Variants in FLYWCH2 observed in about 807,000 individuals in gnomAD.
The protein encoded by FLYWCH2 is FLYWCH family member 2.
Under a neutral mutation model 6.0 loss-of-function variants are expected in FLYWCH2, and 2 were observed. The ratio of observed to expected loss-of-function variants is 0.33; its 90% confidence interval spans 0.14 to 1.04. The LOEUF (loss-of-function observed/expected upper bound fraction) is 1.04. Among genes scored for constraint, FLYWCH2 ranks in the 50% least tolerant of loss-of-function variants. The pLI is 0.45. For missense variants in FLYWCH2, 192 were observed against 183.4 expected (o/e 1.05, Z -0.27); for synonymous variants, 87 against 79.3 (o/e 1.10, Z -0.52).
chr16:2,896,129 G>C (rs1331574390), intron 2 of FLYWCH2, among the ~76,000 whole-genome samples: 1 of 152,222 alleles, frequency 6.6e-6, no homozygotes, highest in African/African-American at 2.4e-5. Flanking sequence ...TGTTTACTGT[G>C]CACCTTTTCC....
chr16:2,884,558 T>A (rs1157845712), intron 1 of FLYWCH2, among the ~76,000 whole-genome samples: 18 of 39,284 alleles, frequency 4.6e-4, no homozygotes, highest in Non-Finnish European at 7.3e-4. Context: ...CCGTCTCTAC[T>A]AAAAAAAAAA....
chr16:2,894,577 G>A (rs867797472), intron 1 of FLYWCH2, among the ~76,000 whole-genome samples: 2 of 152,216 alleles, frequency 1.3e-5, no homozygotes, highest in Non-Finnish European at 2.9e-5. Flanking sequence ...GAGCCGGAAG[G>A]GCCGCACGGG....
chr16:2,897,042 G>A (rs933397258), intron 3 of FLYWCH2: 13 of 550,192 alleles, frequency 2.4e-5, no homozygotes, highest in African/African-American at 1.9e-4. Flanking sequence ...GAGGGTCTGA[G>A]GGTGCGGCGG....
intron 1 of FLYWCH2, among the ~76,000 whole-genome samples, chr16:2,885,098 G>A (rs946834721): frequency 6.6e-6 from 1 of 152,022 alleles, no homozygotes; most frequent in Non-Finnish European, 1.5e-5. Flanking sequence ...CAAGGAGGGC[G>A]GATCACGAGG....
At chr16:2,897,853 A>G (rs1388456919) in intron 3 of FLYWCH2, among the ~76,000 whole-genome samples, 1 of 152,200 alleles carries the variant, frequency 6.6e-6, no homozygotes, top group African/African-American at 2.4e-5. Context: ...GGGGCTGCCC[A>G]GTGGGTGGGA....
intron 1 of FLYWCH2, among the ~76,000 whole-genome samples, chr16:2,887,979 G>T (rs2069717197): frequency 6.8e-6 from 1 of 146,394 alleles, no homozygotes; most frequent in Non-Finnish European, 1.5e-5. Flanking sequence ...GTTCTATTCT[G>T]TTGATCTCTG....
At chr16:2,886,156 G>A (rs1464489684) in intron 1 of FLYWCH2, among the ~76,000 whole-genome samples, 1 of 151,898 alleles carries the variant, frequency 6.6e-6, no homozygotes, top group Non-Finnish European at 1.5e-5. Context: ...CCTGTTTGGA[G>A]CCTTTGCCCA....
chr16:2,885,033 T>C (rs2069682631), intron 1 of FLYWCH2, among the ~76,000 whole-genome samples: 1 of 150,760 alleles, frequency 6.6e-6, no homozygotes, highest in African/African-American at 2.4e-5. Context: ...ATTTAAAGTG[T>C]ACATTTCGGC....
intron 1 of FLYWCH2, among the ~76,000 whole-genome samples, chr16:2,884,080 C>T (rs951357215): frequency 6.6e-6 from 1 of 152,136 alleles, no homozygotes; most frequent in Admixed American, 6.5e-5. Context: ...AATAACAGCC[C>T]CGCTGTGGAC....
intron 2 of FLYWCH2, among the ~76,000 whole-genome samples, chr16:2,895,975 C>T (rs970898372): frequency 2.0e-5 from 3 of 152,212 alleles, no homozygotes; most frequent in South Asian, 4.1e-4. Context: ...TAAGAACAGC[C>T]TGCTGTCATA....
At chr16:2,885,206 C>T (rs1350031924) in intron 1 of FLYWCH2, among the ~76,000 whole-genome samples, 1 of 152,048 alleles carries the variant, frequency 6.6e-6, no homozygotes, top group Non-Finnish European at 1.5e-5. Flanking sequence ...CCTGTAGTCC[C>T]AGCTACTCCG....
At chr16:2,891,414 T>A (rs1178415223) in intron 1 of FLYWCH2, among the ~76,000 whole-genome samples, 1 of 151,488 alleles carries the variant, frequency 6.6e-6, no homozygotes, top group East Asian at 1.9e-4. Context: ...ATTTTATTTA[T>A]TTTTTTTTGA....
intron 3 of FLYWCH2, among the ~76,000 whole-genome samples, chr16:2,897,181 G>A (rs73480923): frequency 0.026 from 3,922 of 152,218 alleles, 164 homozygotes; most frequent in African/African-American, 0.088. Context: ...CTCACTCACC[G>A]TTCAGTCACT....
intron 3 of FLYWCH2, among the ~76,000 whole-genome samples, chr16:2,898,486 C>T (rs2069847595): frequency 6.6e-6 from 1 of 152,184 alleles, no homozygotes; most frequent in Admixed American, 6.5e-5. Context: ...CCAGGAGGTC[C>T]CTGCAGAGGG....
In FLYWCH2 at chr16:2,895,570, G is replaced by A. The variant is rs1045218352; in HGVS notation, c.-99+250G>A. ...GCGGAGCTTGCAGTGAGCCAAGATC[G>A]TGCCACTGCACTCCAGCCTGGGCGA... On this transcript the variant is annotated intron_variant, in intron 2 of 3. Transcript: ENST00000396958. Among the ~76,000 whole-genome samples, 66 of 152,226 alleles carry A rather than the reference G, an allele frequency of 4.3e-4. 1 individual carries two copies. Among genetic ancestry groups the A allele is most frequent in the South Asian group, 2.1e-4 (1 of 4,834 alleles).
intron 1 of FLYWCH2, among the ~76,000 whole-genome samples, 172 bp downstream of exon 1, chr16:2,883,538 C>A (rs1346346037): frequency 1.3e-5 from 2 of 152,158 alleles, no homozygotes; most frequent in Admixed American, 1.3e-4. Flanking sequence ...TGCCTCTCGC[C>A]CCTCCTTCCC....
chr16:2,888,166 A>G (rs142676036), intron 1 of FLYWCH2, among the ~76,000 whole-genome samples: 4,571 of 151,520 alleles, frequency 0.03, 244 homozygotes, highest in African/African-American at 0.1. Flanking sequence ...ATGCCGCCAC[A>G]CTCGGCTAAT....
intron 1 of FLYWCH2, among the ~76,000 whole-genome samples, chr16:2,889,102 G>A (rs1007233291): frequency 3.5e-5 from 5 of 142,276 alleles, no homozygotes; most frequent in Admixed American, 7.2e-5. Context: ...ACCTTTGTCA[G>A]GGCCATTTTG....
rs985164738 is a variant in FLYWCH2 at position 2,895,278 on chromosome 16, C to A, written c.-141C>A. On this transcript the variant is annotated 5_prime_UTR_variant, in exon 2 of 4. Transcript: ENST00000396958. ...ATCCACAACATCTCCACATCGCTGT[C>A]CCCACCCAGCCAGGGCAGCGCCAGC... 4 of 152,348 alleles carry A rather than the reference C, an allele frequency of 2.6e-5. No individual in the cohort carries two copies. Among genetic ancestry groups the A allele is most frequent in the Non-Finnish European group, 4.4e-5 (3 of 68,166 alleles). The allele number at this position is 152,348 out of a possible 1,614,324, so 9.4% of individuals were successfully genotyped here.
Sources: gnomAD v4.1 joint callset for allele counts (sites outside exome capture counted in the v4.1 genomes callset) on GRCh38, gnomAD v4.1.1 for gene constraint, MANE v1.5 for transcripts, NCBI Gene and HGNC (gene_info 2026-07-23, HGNC 2026-07-21) for gene names.